Variants in ERC2 observed in about 807,000 individuals in gnomAD.
ERC2 encodes ELKS/RAB6-interacting/CAST family member 2, also known as ERC protein 2.
Under a neutral mutation model 114.8 loss-of-function variants are expected in ERC2, and 42 were observed. The observed-to-expected ratio is 0.37, with a 90% CI of 0.29 to 0.47. The LOEUF (loss-of-function observed/expected upper bound fraction) is 0.47. ERC2 is among the 20% of genes least tolerant of loss of function. The probability of loss-of-function intolerance (pLI) is 0.99; values close to 1 mark genes in which losing one functional copy is unlikely to be tolerated. For synonymous variants in ERC2, 454 were observed against 425.5 expected (o/e 1.07, Z -0.82); for missense variants, 939 against 1,150.7 (o/e 0.82, Z 2.66).
chr3:55,852,557 C>A (rs1386286975), intron 14 of ERC2: 1 of 154,256 alleles, frequency 6.5e-6, no homozygotes, highest in Non-Finnish European at 1.5e-5. Flanking sequence ...AAAAAAAATT[C>A]CCTTGTAGAT....
chr3:56,081,011 T>G, intron 6 of ERC2, 27 bp from the exon 7 acceptor site: 1 of 1,607,240 alleles, frequency 6.2e-7, no homozygotes, highest in Non-Finnish European at 8.5e-7. Flanking sequence ...GACAGAAGGT[T>G]GTGGTTTTAC....
intron 7 of ERC2, among the ~76,000 whole-genome samples, chr3:56,060,387 C>T (rs1015837278): frequency 7.2e-5 from 11 of 152,226 alleles, no homozygotes; most frequent in Non-Finnish European, 1.5e-4. Context: ...GAAACCCCCA[C>T]CCTTTAAAGG....
chr3:55,548,987 C>T (rs544400796), intron 17 of ERC2, among the ~76,000 whole-genome samples: 46 of 152,274 alleles, frequency 3.0e-4, no homozygotes, highest in Non-Finnish European at 5.3e-4. Flanking sequence ...ATCTTGGCAA[C>T]AAAATCAGAT....
chr3:56,462,685 A>T (rs534330478), intron 1 of ERC2, among the ~76,000 whole-genome samples: 3 of 152,286 alleles, frequency 2.0e-5, no homozygotes, highest in East Asian at 3.9e-4. Context: ...GCAAGTCCTT[A>T]ACCCCTCTAA....
At chr3:56,119,142 A>G (rs2079429936) in intron 6 of ERC2, among the ~76,000 whole-genome samples, 1 of 152,176 alleles carries the variant, frequency 6.6e-6, no homozygotes, top group African/African-American at 2.4e-5. Context: ...CAGCAACAGG[A>G]TATGTCCTGC....
chr3:55,900,308 T>C (rs2064066572), intron 13 of ERC2, among the ~76,000 whole-genome samples: 1 of 152,222 alleles, frequency 6.6e-6, no homozygotes, highest in Admixed American at 6.5e-5. Flanking sequence ...TTGTCCGATT[T>C]TGTTATTATA....
intron 7 of ERC2, among the ~76,000 whole-genome samples, chr3:56,020,690 A>G (rs1473080362): frequency 6.6e-6 from 1 of 152,198 alleles, no homozygotes; most frequent in African/African-American, 2.4e-5. Flanking sequence ...GTGTACACAC[A>G]TGTACGCAAA....
At chr3:56,386,930 G>T (rs891899564) in intron 2 of ERC2, among the ~76,000 whole-genome samples, 2 of 152,146 alleles carry the variant, frequency 1.3e-5, no homozygotes, top group African/African-American at 2.4e-5. Flanking sequence ...TTGCAACAGG[G>T]CCTGAAGCCT....
At chr3:56,409,878 A>T (rs1208381011) in intron 2 of ERC2, among the ~76,000 whole-genome samples, 2 of 152,142 alleles carry the variant, frequency 1.3e-5, no homozygotes, top group African/African-American at 4.8e-5. Flanking sequence ...TGGGCTTTCC[A>T]CGCTATCTCA....
chr3:55,971,323 A>G (rs2069138107), intron 12 of ERC2, among the ~76,000 whole-genome samples: 1 of 152,130 alleles, frequency 6.6e-6, no homozygotes, highest in Non-Finnish European at 1.5e-5. Flanking sequence ...ACACTTTAAA[A>G]GGGTGAATTT....
At chr3:55,761,697 G>A (rs188129696) in intron 14 of ERC2, among the ~76,000 whole-genome samples, 53 of 152,122 alleles carry the variant, frequency 3.5e-4, no homozygotes, top group Non-Finnish European at 7.2e-4. Context: ...GGATCATGAG[G>A]GACACATGGT....
intron 2 of ERC2, among the ~76,000 whole-genome samples, chr3:56,411,512 G>C (rs2060939870): frequency 6.6e-6 from 1 of 151,938 alleles, no homozygotes; most frequent in Non-Finnish European, 1.5e-5. Flanking sequence ...GCTGTTCCTT[G>C]CTATAGTTTA....
intron 14 of ERC2, among the ~76,000 whole-genome samples, chr3:55,748,668 ATTTCC>A (rs1334665504): frequency 6.6e-6 from 1 of 152,198 alleles, no homozygotes; most frequent in Non-Finnish European, 1.5e-5. Flanking sequence ...TCCATGTGGC[ATTTCC>A]CTCTGCATGT....
intron 15 of ERC2, among the ~76,000 whole-genome samples, chr3:55,702,066 C>A (rs773602996): frequency 4.6e-5 from 7 of 152,174 alleles, no homozygotes; most frequent in African/African-American, 1.7e-4. Context: ...TTCTTACCAG[C>A]AACAAGCCTA....
Position 56,028,978 on chromosome 3 carries a change from T to C in ERC2, c.1642-9947A>G, listed in dbSNP as rs184427506. On this transcript the variant is annotated intron_variant, in intron 7 of 17. Transcript: ENST00000288221. ...CTTTATCAAGCTGAGATAGCTCTCCTCTGCTCCTAACTTACTAAGAGTTTT... is the reference window on the plus strand; with the variant it reads ...CTTTATCAAGCTGAGATAGCTCTCCCCTGCTCCTAACTTACTAAGAGTTTT... Among the ~76,000 whole-genome samples the C allele has an allele frequency of 4.2e-3, 645 of 152,212 alleles. 2 individuals are homozygous for C. Among genetic ancestry groups the C allele is most frequent in the Non-Finnish European group, 5.8e-3 (396 of 67,930 alleles).
At chr3:56,144,721 A>G (rs562101619) in intron 5 of ERC2, among the ~76,000 whole-genome samples, 2 of 152,274 alleles carry the variant, frequency 1.3e-5, no homozygotes, top group Non-Finnish European at 2.9e-5. Flanking sequence ...ATTTCAGTCT[A>G]TAAATATTAA....
chr3:55,982,574 TCAACCTA>T (rs2070243404), intron 12 of ERC2, among the ~76,000 whole-genome samples: 1 of 73,652 alleles, frequency 1.4e-5, no homozygotes, highest in Non-Finnish European at 3.8e-5. Context: ...ATTATTGTTA[TCAACCTA>T]TGTCATGAAT....
chr3:55,735,890 T>C (rs2065600495), intron 14 of ERC2, among the ~76,000 whole-genome samples: 1 of 152,196 alleles, frequency 6.6e-6, no homozygotes, highest in African/African-American at 2.4e-5. Flanking sequence ...TCAGCCTTCC[T>C]TATTTCAGTA....
intron 6 of ERC2, among the ~76,000 whole-genome samples, chr3:56,084,517 T>A (rs555157458): frequency 6.6e-6 from 1 of 152,194 alleles, no homozygotes; most frequent in Non-Finnish European, 1.5e-5. Flanking sequence ...ATAAGATATA[T>A]ATATGATAAG....
Sources: gnomAD v4.1 joint callset for allele counts (sites outside exome capture counted in the v4.1 genomes callset) on GRCh38, gnomAD v4.1.1 for gene constraint, MANE v1.5 for transcripts, NCBI Gene and HGNC (gene_info 2026-07-23, HGNC 2026-07-21) for gene names.